The following OVGP1 variants were observed in gnomAD, a reference collection of about 807,000 sequenced individuals.
OVGP1 encodes oviductal glycoprotein 1.
A neutral mutation model predicts 48.2 loss-of-function variants in OVGP1; 26 were observed. The observed-to-expected ratio is 0.54, with a 90% CI of 0.40 to 0.75. The LOEUF (loss-of-function observed/expected upper bound fraction) is 0.75. Among genes scored for constraint, OVGP1 ranks in the 30% least tolerant of loss-of-function variants. The pLI is 0.00. For missense variants in OVGP1, 791 were observed against 820.6 expected (o/e 0.96, Z 0.44); for synonymous variants, 294 against 305.7 (o/e 0.96, Z 0.40).
chr1:111,427,172 C>T, intron 1 of OVGP1, 81 bp from the exon 2 acceptor site: 1 of 1,603,508 alleles, frequency 6.2e-7, no homozygotes, highest in Non-Finnish European at 8.5e-7. Context: ...CTCTGATTAG[C>T]AAGGGTGCCC....
intron 5 of OVGP1, 55 bp from the exon 6 acceptor site, chr1:111,423,106 T>TG (rs1346560423): frequency 4.4e-6 from 7 of 1,606,118 alleles, no homozygotes; most frequent in African/African-American, 1.3e-5. Flanking sequence ...AGGCGGGGCC[T>TG]GGGGGGAGTG....
intron 8 of OVGP1, 86 bp from the exon 9 acceptor site, chr1:111,419,812 A>G (rs908643455): frequency 6.6e-5 from 53 of 805,756 alleles, no homozygotes; most frequent in Middle Eastern, 6.5e-4. Flanking sequence ...AAGGATAAAG[A>G]ATCCAAGAAT....
chr1:111,418,185 T>C (rs2050607), intron 9 of OVGP1, among the ~76,000 whole-genome samples: 17,918 of 152,144 alleles, frequency 0.12, 1,804 homozygotes, highest in African/African-American at 0.27. Flanking sequence ...GCTTCATGTC[T>C]CCTCACCTAG....
At chr1:111,417,717 G>C (rs1267020828) in intron 9 of OVGP1, among the ~76,000 whole-genome samples, 3 of 151,532 alleles carry the variant, frequency 2.0e-5, no homozygotes, top group Non-Finnish European at 4.4e-5. Flanking sequence ...ATTACTCACA[G>C]AAAAAAAACA....
Position 111,423,691 on chromosome 1 carries a change from GACA to G in OVGP1, c.332_334del (p.Leu111del). 1.2e-6 allele frequency: 2 copies of G among 1,614,098 alleles called. No homozygotes were observed. Among genetic ancestry groups the G allele is most frequent in the Non-Finnish European group, 1.7e-6 (2 of 1,179,948 alleles). The stretch of plus-strand genomic sequence containing the variant: ...AAACTTTTCACGGTTGGCAAATGTG[GACA>G]ACATAGTGGTGAATCTGTAGGGAGA... On this transcript the variant is annotated inframe_deletion, in exon 5 of 11. Coordinates refer to ENST00000369732, the MANE Select transcript of OVGP1 (RefSeq NM_002557.4).
In OVGP1 at chr1:111,423,579, G is replaced by A. The variant is rs1325339222; in HGVS notation, c.447C>T (p.Pro149=). The A allele has an allele frequency of 1.2e-6, 2 of 1,614,046 alleles. No individual in the cohort carries two copies. The highest frequency in any genetic ancestry group is 1.7e-5 in the Admixed American group (1 of 60,008). Residue 149 remains proline, a synonymous_variant, in exon 5 of 11, where the codon CCC becomes CCT. Coordinates refer to ENST00000369732, the MANE Select transcript of OVGP1 (RefSeq NM_002557.4). ...FFLYPGLRGS[P]MHDRWTFLFL... Reference sequence around the variant, plus strand: ...AGAGAAAAGTCCACCGGTCATGCATGGGGCTGCCTCTTAGTCCAGGATATA... The same window carrying A: ...AGAGAAAAGTCCACCGGTCATGCATAGGGCTGCCTCTTAGTCCAGGATATA...
chr1:111,425,104 A>T (rs995179108), intron 4 of OVGP1, among the ~76,000 whole-genome samples: 23 of 152,336 alleles, frequency 1.5e-4, no homozygotes, highest in Admixed American at 1.4e-3. Context: ...CTTGCCTCTT[A>T]TGAAAGGTTG....
At chr1:111,415,396 C>G (rs559803218) in intron 10 of OVGP1, 52 bp from the exon 11 acceptor site, 1 of 1,503,876 alleles carries the variant, frequency 6.6e-7, no homozygotes, top group African/African-American at 1.4e-5. Flanking sequence ...CATTCTCATC[C>G]TATTAATTAC....
chr1:111,415,509 C>A (rs778863525), intron 10 of OVGP1, among the ~76,000 whole-genome samples, 165 bp from the exon 11 acceptor site: 1 of 152,108 alleles, frequency 6.6e-6, no homozygotes, highest in Non-Finnish European at 1.5e-5. Flanking sequence ...GAAATCCCAC[C>A]ACATAGAAGC....
rs773100630 is a variant in OVGP1, at chr1:111,414,388, C to T, written c.*76G>A. 7.5e-5 allele frequency: 102 copies of T among 1,351,900 alleles called. No homozygotes were observed. Among genetic ancestry groups the T allele is most frequent in the Admixed American group, 1.6e-4 (7 of 45,104 alleles). The allele number at this position is 1,351,900 out of a possible 1,614,324, so 83.7% of individuals were successfully genotyped here. The stretch of plus-strand genomic sequence containing the variant: ...TCTGGTTTTGATGCCTGCTTTGCCC[C>T]GGGATGAGAAGGCTTCCAACATGTC... On this transcript the variant is annotated 3_prime_UTR_variant, in exon 11 of 11. Coordinates refer to ENST00000369732, the MANE Select transcript of OVGP1 (RefSeq NM_002557.4).
At chr1:111,420,322 C>T (rs1264882) in intron 8 of OVGP1, among the ~76,000 whole-genome samples, 80,337 of 152,104 alleles carry the variant, frequency 0.53, 22,722 homozygotes, top group East Asian at 0.76. Context: ...CATTCCTTTT[C>T]TCCTTTGGTG....
chr1:111,426,559 C>T lies in OVGP1; in HGVS notation c.138G>A (p.Leu46=), dbSNP rs1445292044. 6.2e-7 allele frequency: 1 copy of T among 1,614,032 alleles called. No individual in the cohort carries two copies. Among genetic ancestry groups the T allele is most frequent in the Non-Finnish European group, 8.5e-7 (1 of 1,179,994 alleles). ...TCAGGTGGGTGCAGAGAAAGGGGTC[C>T]AGGTCATGGGGCAAGATCGAGGCAG... ...PGPASILPHD[L]DPFLCTHLIF... Residue 46 remains leucine, a synonymous_variant, in exon 3 of 11, where the codon CTG becomes CTA. Coordinates refer to ENST00000369732, the MANE Select transcript of OVGP1 (RefSeq NM_002557.4).
At chr1:111,424,110 C>T (rs1293365700) in intron 4 of OVGP1, among the ~76,000 whole-genome samples, 5 of 152,180 alleles carry the variant, frequency 3.3e-5, no homozygotes, top group African/African-American at 1.2e-4. Flanking sequence ...ATTCCCACAA[C>T]CTGTCCTAGC....
At position 111,419,652 on chromosome 1, in the gene OVGP1, T is replaced by G. The variant is rs774337806; in HGVS notation, c.978A>C (p.Lys326Asn). 1.2e-5 allele frequency: 19 copies of G among 1,613,334 alleles called. No homozygotes were observed. Among genetic ancestry groups the G allele is most frequent in the Middle Eastern group, 3.3e-4 (2 of 6,080 alleles). ...TGGCATTGTCATAGCCAACCCACTC[T>G]TTCCCCTTGTTGGCATACGGGACAT... ...YQYVPYANKG[K>N]EWVGYDNAIS... Residue 326 changes from lysine to asparagine, a missense_variant, in exon 9 of 11, where the codon AAA (lysine) becomes AAC (asparagine). Coordinates refer to ENST00000369732, the MANE Select transcript of OVGP1 (RefSeq NM_002557.4).
chr1:111,414,467 G>A lies in OVGP1; in HGVS notation c.2034C>T (p.Ala678=). Residue 678 remains alanine, a synonymous_variant, in exon 11 of 11, where the codon GCC becomes GCT. Coordinates refer to ENST00000369732, the MANE Select transcript of OVGP1 (RefSeq NM_002557.4). ...TGGTTTCTGACACCAGAGGGGCTTAGGCTTCTTCATCCACAGCAGAGTTTT... is the reference window on the plus strand; with the variant it reads ...TGGTTTCTGACACCAGAGGGGCTTAAGCTTCTTCATCCACAGCAGAGTTTT... The part of the protein sequence containing the change: ...IPENSAVDEE[A] The A allele has an allele frequency of 6.2e-7, 1 of 1,609,370 alleles. No individual in the cohort carries two copies.
chr1:111,416,913 G>C (rs1287282374), intron 9 of OVGP1, among the ~76,000 whole-genome samples: 1 of 152,192 alleles, frequency 6.6e-6, no homozygotes, highest in Non-Finnish European at 1.5e-5. Flanking sequence ...GGAAGTTACT[G>C]TTTAATGGGC....
intron 9 of OVGP1, among the ~76,000 whole-genome samples, chr1:111,418,304 C>G (rs1161231250): frequency 6.6e-6 from 1 of 152,160 alleles, no homozygotes; most frequent in Non-Finnish European, 1.5e-5. Context: ...TCCTATGGGT[C>G]ATAGACTTAA....
At chr1:111,416,695 T>C in intron 9 of OVGP1, 1 of 394,532 alleles carries the variant, frequency 2.5e-6, no homozygotes, top group South Asian at 8.4e-5. Context: ...TAATAACATG[T>C]CCAACATGTT....
In OVGP1 at chr1:111,421,577, G is replaced by T. The variant is rs911720657; in HGVS notation, c.705C>A (p.Asp235Glu). 3.1e-6 allele frequency: 5 copies of T among 1,611,578 alleles called. No individual in the cohort carries two copies. The African/African-American group carries it at 4.0e-5, about 13-fold the overall frequency. The stretch of plus-strand genomic sequence containing the variant: ...TTCCTTTCCTTACCGAAGATTTGGG[G>T]TCTTCAGGCAGAGAGAAGAGGGGGC... ...HNSPLFSLPEDPKSSAYAMNY... is the reference protein window; with the variant it reads ...HNSPLFSLPEEPKSSAYAMNY... Residue 235 changes from aspartate to glutamate, a missense_variant, in exon 7 of 11, where the codon GAC becomes GAA. Coordinates refer to ENST00000369732, the MANE Select transcript of OVGP1 (RefSeq NM_002557.4).
Sources: allele counts gnomAD v4.1 joint callset (sites outside exome capture counted in the v4.1 genomes callset), GRCh38; gene constraint gnomAD v4.1.1; transcripts MANE v1.5; gene names NCBI Gene and HGNC (gene_info 2026-07-23, HGNC 2026-07-21).